Variants in RPS6KA5 observed in about 807,000 individuals in gnomAD.
RPS6KA5 encodes ribosomal protein S6 kinase A5.
A neutral mutation model predicts 85.5 loss-of-function variants in RPS6KA5; 27 were observed. That is an observed-to-expected ratio of 0.32 (90% CI 0.23 to 0.44). The LOEUF (loss-of-function observed/expected upper bound fraction) is 0.44, where lower values mean the gene tolerates loss of function less well. Among genes scored for constraint, RPS6KA5 ranks in the 20% least tolerant of loss-of-function variants. The pLI, the probability that RPS6KA5 is intolerant of heterozygous loss-of-function variation, is 1.00. For missense variants in RPS6KA5, 811 were observed against 980.9 expected, an observed-to-expected ratio of 0.83 and a Z score of 2.31; for synonymous variants, 334 against 348.2, an observed-to-expected ratio of 0.96 and a Z score of 0.46.
intron 14 of RPS6KA5, among the ~76,000 whole-genome samples, chr14:90,889,191 G>A (rs2034407785): frequency 6.6e-6 from 1 of 151,804 alleles, no homozygotes; most frequent in Admixed American, 6.6e-5. Flanking sequence ...CTACTCAGGA[G>A]GCTGAGGCAG....
At chr14:91,051,231 C>T (rs1227247680) in intron 1 of RPS6KA5, among the ~76,000 whole-genome samples, 5 of 149,834 alleles carry the variant, frequency 3.3e-5, no homozygotes, top group Admixed American at 6.7e-5. Context: ...AGAGTGGGAC[C>T]CTGTCTAAAT....
chr14:90,894,373 T>G (rs1222752655), intron 13 of RPS6KA5, 40 bp downstream of exon 13: 1 of 1,597,732 alleles, frequency 6.3e-7, no homozygotes, highest in South Asian at 1.1e-5. Context: ...TTAATAATGG[T>G]GCTAGACTGA....
chr14:90,950,435 A>G (rs1434351101), intron 3 of RPS6KA5, among the ~76,000 whole-genome samples: 1 of 152,204 alleles, frequency 6.6e-6, no homozygotes, highest in East Asian at 1.9e-4. Flanking sequence ...AATGTTGAAT[A>G]AAGTGGGAAA....
At chr14:91,028,107 A>C (rs983843988) in intron 1 of RPS6KA5, among the ~76,000 whole-genome samples, 2 of 152,242 alleles carry the variant, frequency 1.3e-5, no homozygotes, top group Non-Finnish European at 2.9e-5. Flanking sequence ...TGGCCAAATG[A>C]TGAAGACTAA....
At chr14:90,918,599 C>A (rs2036242809) in intron 7 of RPS6KA5, among the ~76,000 whole-genome samples, 1 of 152,200 alleles carries the variant, frequency 6.6e-6, no homozygotes, top group Non-Finnish European at 1.5e-5. Context: ...CTAAACCAAG[C>A]TCACAACGGT....
chr14:91,033,725 G>T (rs1012150109), intron 1 of RPS6KA5, among the ~76,000 whole-genome samples: 1 of 152,186 alleles, frequency 6.6e-6, no homozygotes, highest in Non-Finnish European at 1.5e-5. Context: ...ATCTAGTACA[G>T]GTGAAGATGT....
chr14:90,937,367 A>G (rs2037317066), intron 5 of RPS6KA5, among the ~76,000 whole-genome samples: 1 of 152,164 alleles, frequency 6.6e-6, no homozygotes, highest in Non-Finnish European at 1.5e-5. Context: ...ACAAAGGAGA[A>G]CAATGAGACA....
chr14:90,910,825 A>T (rs2035779788), intron 7 of RPS6KA5, among the ~76,000 whole-genome samples: 1 of 151,952 alleles, frequency 6.6e-6, no homozygotes, highest in Admixed American at 6.6e-5. Flanking sequence ...ACCTGGGACT[A>T]CAGGCGCCCT....
In RPS6KA5 at chr14:90,869,625, C is replaced by G. The variant is rs1380841903; in HGVS notation, c.*2449G>C. 1 of 152,096 alleles carries G rather than the reference C, an allele frequency of 6.6e-6. No homozygotes were observed. Among genetic ancestry groups the G allele is most frequent in the South Asian group, 2.1e-4 (1 of 4,820 alleles). 9.4% of individuals were successfully genotyped at this position (152,096 alleles called of 1,614,324 possible). The stretch of plus-strand genomic sequence containing the variant: ...ATTTCTTAGATCTTCTTCTATTTTA[C>G]TCTTAATACCAAAAAAAGAGTCCTA... On this transcript the variant is annotated 3_prime_UTR_variant, in exon 17 of 17. Coordinates refer to ENST00000614987, the MANE Select transcript of RPS6KA5 (RefSeq NM_004755.4).
chr14:90,881,721 G>A (rs147475766), intron 14 of RPS6KA5, among the ~76,000 whole-genome samples: 2 of 151,970 alleles, frequency 1.3e-5, no homozygotes, highest in Non-Finnish European at 2.9e-5. Context: ...GGCTGGTCTC[G>A]AACTTCTGAC....
chr14:90,933,778 T>C (rs1426510057), intron 5 of RPS6KA5, among the ~76,000 whole-genome samples: 1 of 152,218 alleles, frequency 6.6e-6, no homozygotes, highest in South Asian at 2.1e-4. Flanking sequence ...TTCTTCCATA[T>C]GATCACCTCC....
At chr14:90,906,417 T>C (rs1392508663) in intron 7 of RPS6KA5, 118 bp from the exon 8 acceptor site, 1 of 723,956 alleles carries the variant, frequency 1.4e-6, no homozygotes, top group East Asian at 2.6e-5. Flanking sequence ...ATACTTAACA[T>C]GAATCAATAA....
At chr14:91,023,311 C>CA (rs1165051998) in intron 1 of RPS6KA5, among the ~76,000 whole-genome samples, 1 of 150,300 alleles carries the variant, frequency 6.7e-6, no homozygotes, top group Non-Finnish European at 1.5e-5. Flanking sequence ...TTTTTGGAGA[C>CA]AGAGTCTCAC....
At position 90,960,986 on chromosome 14, in the gene RPS6KA5, G is replaced by A. The variant is rs560276054; in HGVS notation, c.395-13436C>T. On this transcript the variant is annotated intron_variant, in intron 3 of 16. Transcript: ENST00000614987. ...CACTCCTGGCTACTGACGTTTGTACGGAAGTAGCGTAATAACCAGATAGGC... is the reference window on the plus strand; with the variant it reads ...CACTCCTGGCTACTGACGTTTGTACAGAAGTAGCGTAATAACCAGATAGGC... Among the ~76,000 whole-genome samples the A allele has an allele frequency of 4.6e-5, 7 of 152,304 alleles. No homozygotes were observed. In the South Asian group the frequency reaches 6.2e-4, roughly 14 times the overall value.
At chr14:90,923,759 G>T (rs887249460) in intron 5 of RPS6KA5, among the ~76,000 whole-genome samples, 15 of 151,898 alleles carry the variant, frequency 9.9e-5, no homozygotes, top group Non-Finnish European at 2.2e-4. Context: ...CAACGCTAAT[G>T]TTATGTTTAA....
intron 14 of RPS6KA5, among the ~76,000 whole-genome samples, chr14:90,885,280 C>T (rs1307572062): frequency 6.8e-6 from 1 of 147,932 alleles, no homozygotes; most frequent in African/African-American, 2.5e-5. Context: ...GTGCTGGGCA[C>T]GGTGGCTCAC....
chr14:90,854,487 G>A lies in RPS6KA5; in HGVS notation c.*17587C>T, dbSNP rs893297867. Reference sequence around the variant, plus strand: ...TTAACTAGAATTTTTAAAGACTTGCGATTTTGCTAAATGTATCATCATTAG... The same window carrying A: ...TTAACTAGAATTTTTAAAGACTTGCAATTTTGCTAAATGTATCATCATTAG... On this transcript the variant is annotated 3_prime_UTR_variant, in exon 17 of 17. Transcript: ENST00000614987. 1 of 152,042 alleles carries A rather than the reference G, an allele frequency of 6.6e-6. No individual in the cohort carries two copies. Among genetic ancestry groups the A allele is most frequent in the African/African-American group, 2.4e-5 (1 of 41,424 alleles). 9.4% of individuals were successfully genotyped at this position (152,042 alleles called of 1,614,324 possible).
chr14:90,994,856 GCCA>G (rs1449293222), intron 2 of RPS6KA5, among the ~76,000 whole-genome samples: 1 of 152,022 alleles, frequency 6.6e-6, no homozygotes, highest in African/African-American at 2.4e-5. Flanking sequence ...ACAGGCGTGA[GCCA>G]CCGCACACGG....
chr14:90,886,642 GC>G (rs1326987950), intron 14 of RPS6KA5, among the ~76,000 whole-genome samples: 1 of 152,182 alleles, frequency 6.6e-6, no homozygotes, highest in Non-Finnish European at 1.5e-5. Context: ...CAAAGAGAGG[GC>G]CCTCACCACA....
Sources: gnomAD v4.1 joint callset for allele counts (sites outside exome capture counted in the v4.1 genomes callset) on GRCh38, gnomAD v4.1.1 for gene constraint, MANE v1.5 for transcripts, NCBI Gene and HGNC (gene_info 2026-07-23, HGNC 2026-07-21) for gene names.